The following GPR179 variants were observed in gnomAD, a reference collection of about 807,000 sequenced individuals.
GPR179 encodes the protein probable G protein-coupled receptor 179.
In GPR179, 52 loss-of-function variants were observed where a neutral mutation model predicts 70.8. The ratio of observed to expected loss-of-function variants is 0.73; its 90% CI spans 0.59 to 0.93. The LOEUF is 0.93. Among genes scored for constraint, GPR179 ranks in the 40% least tolerant of loss-of-function variants. The pLI is 0.00. For synonymous variants in GPR179, 1,123 were observed against 1,169.0 expected, an observed-to-expected ratio of 0.96 and a Z score of 0.80; for missense variants, 2,734 against 2,966.8, an observed-to-expected ratio of 0.92 and a Z score of 1.82.
chr17:38,340,915 T>G (rs1221730633), intron 1 of GPR179, among the ~76,000 whole-genome samples: 1 of 151,852 alleles, frequency 6.6e-6, no homozygotes, highest in Non-Finnish European at 1.5e-5. Context: ...AGAGTCCATC[T>G]CAAAAACAAA....
intron 1 of GPR179, 95 bp downstream of exon 1, chr17:38,342,901 G>A: frequency 8.1e-7 from 1 of 1,227,656 alleles, no homozygotes; most frequent in Non-Finnish European, 1.1e-6. Flanking sequence ...GCATGCACAT[G>A]TTCGTGCCAA....
chr17:38,328,363 C>T lies in GPR179; in HGVS notation c.5206G>A (p.Ala1736Thr), dbSNP rs2037311694. Residue 1736 changes from alanine (A) to threonine (T), a missense_variant, in exon 11 of 11, where the codon GCA (alanine) becomes ACA (threonine). Physicochemically the swap from Ala to Thr is moderately conservative, Grantham distance 58. Coordinates refer to ENST00000616987, the MANE Select transcript of GPR179 (RefSeq NM_001004334.4). ...GCTCTCTCCCTGGGTCCAAGATCTG[C>T]AGAAACCTTGCCTGTATCATTTGGA... The part of the protein sequence containing the change: ...KSPNDTGKVS[A>T]DLGPRERAVT... The T allele has an allele frequency of 4.3e-6, 7 of 1,613,920 alleles. No homozygotes were observed. The highest frequency in any genetic ancestry group is 2.2e-5 in the East Asian group (1 of 44,856).
In GPR179 at chr17:38,343,356, TACACTCTTGG is replaced by T. The variant is rs1393683399; in HGVS notation, c.424_433del (p.Pro142ThrfsTer5). 1 of 1,614,178 alleles carries T rather than the reference TACACTCTTGG, an allele frequency of 6.2e-7. No homozygotes were observed. Among genetic ancestry groups the T allele is most frequent in the Non-Finnish European group, 8.5e-7 (1 of 1,180,022 alleles). On this transcript the variant is annotated frameshift_variant, in exon 1 of 11. Coordinates refer to ENST00000616987, the MANE Select transcript of GPR179 (RefSeq NM_001004334.4). LOFTEE classifies it high-confidence loss of function. This position sits in a 1 kb window ranked among gnomAD's most constrained non-coding sequence, Gnocchi z 4.2. ...AGGGTTAAAGGTCAGCAAAGCCCTG[TACACTCTTGG>T]GTCCCCCTCGGCCACGCTGCGGACC...
rs2037376456 is a variant in GPR179 at position 38,333,405 on chromosome 17, G to A, written c.1891-8C>T. The A allele has an allele frequency of 2.5e-6, 4 of 1,612,696 alleles. No homozygotes were observed. Among genetic ancestry groups the A allele is most frequent in the Non-Finnish European group, 3.4e-6 (4 of 1,179,382 alleles). On this transcript the variant is annotated splice_region_variant and splice_polypyrimidine_tract_variant and intron_variant, in intron 9 of 10. Coordinates refer to ENST00000616987, the MANE Select transcript of GPR179 (RefSeq NM_001004334.4). Reference sequence around the variant, plus strand: ...AGCCCCCAGCTTCCAGAACTGGCAGGGGTGCATAAGAGTGGGAAAAAGACT... The same window carrying A: ...AGCCCCCAGCTTCCAGAACTGGCAGAGGTGCATAAGAGTGGGAAAAAGACT...
In GPR179 at chr17:38,343,918, C is replaced by A; in HGVS notation, c.-129G>T. The A allele has an allele frequency of 1.4e-6, 1 of 739,186 alleles. No individual in the cohort carries two copies. The highest frequency in any genetic ancestry group is 2.1e-6 in the Non-Finnish European group (1 of 475,166). The allele number at this position is 739,186 out of a possible 1,614,324, so 45.8% of individuals were successfully genotyped here. ...GTTCCTTCTTCCTCTCTCCGTCTCC[C>A]TCTCACGCTGGTGCCAGCTCGCCTG... On this transcript the variant is annotated 5_prime_UTR_variant, in exon 1 of 11. It adds an upstream start codon to the 5' untranslated region. Transcript: ENST00000616987. This position sits in a 1 kb window ranked among gnomAD's most constrained non-coding sequence, Gnocchi z 4.2.
Position 38,343,622 on chromosome 17 carries a change from G to A in GPR179, c.168C>T (p.Ala56=), listed in dbSNP as rs200362782. ...AGTAGAGATAAGCGAGGGCGGCCTC[G>A]GCCCCCTCTAGGGGCACCTGCATGG... ...SVPMQVPLEG[A]EAALAYLYSG... The change falls in exon 1 of 11, where the codon GCC becomes GCT. Residue 56 remains alanine (A), a synonymous_variant. Transcript: ENST00000616987. The surrounding 1 kb of genome is among the most constrained non-coding windows in gnomAD (Gnocchi z 4.2). 24 of 1,613,770 alleles carry A rather than the reference G, an allele frequency of 1.5e-5. 1 individual carries two copies. The highest frequency in any genetic ancestry group is 1.6e-4 in the Middle Eastern group (1 of 6,062).
At chr17:38,336,465 G>A (rs777543003) in intron 4 of GPR179, among the ~76,000 whole-genome samples, 2 of 152,210 alleles carry the variant, frequency 1.3e-5, no homozygotes, top group Non-Finnish European at 2.9e-5. Context: ...CATTCCTCAA[G>A]CGTTGGGTCA....
At position 38,330,963 on chromosome 17, in the gene GPR179, C is replaced by T. The variant is rs764402310; in HGVS notation, c.2606G>A (p.Arg869Gln). ...TGCCTTGGCCTTCTTCCGCTCCTCC[C>T]GCTCCTTTGCTTGCCGGTAGGTCTC... ...LEETYRQAKEREERKKAKAAM... is the reference protein window; with the variant it reads ...LEETYRQAKEQEERKKAKAAM... Residue 869 changes from arginine to glutamine, a missense_variant, in exon 11 of 11, where the codon CGG (arginine) becomes CAG (glutamine). Physicochemically the swap from Arg to Gln is conservative, Grantham distance 43 (BLOSUM62 1). Transcript: ENST00000616987. 29 of 1,611,900 alleles carry T rather than the reference C, an allele frequency of 1.8e-5. No homozygotes were observed. Among genetic ancestry groups the T allele is most frequent in the African/African-American group, 2.7e-5 (2 of 74,936 alleles).
In GPR179 at chr17:38,343,254, G is replaced by C; in HGVS notation, c.536C>G (p.Ser179Cys). ...GTTCTCCTCCTGCACCCAGTTCCCAGACAAGTCCTGCAGGATGGTTTCCTC... is the reference window on the plus strand; with the variant it reads ...GTTCTCCTCCTGCACCCAGTTCCCACACAAGTCCTGCAGGATGGTTTCCTC... ...TGEETILQDL[S>C]GNWVQEENPP... is the part of the protein sequence containing the mutation. The change falls in exon 1 of 11, where the codon TCT becomes TGT. Residue 179 changes from serine to cysteine, a missense_variant. Ser to Cys is a moderately radical substitution (Grantham distance 112). Transcript: ENST00000616987. This position sits in a 1 kb window ranked among gnomAD's most constrained non-coding sequence, Gnocchi z 4.2. 1 of 1,614,144 alleles carries C rather than the reference G, an allele frequency of 6.2e-7. No individual in the cohort carries two copies. Among genetic ancestry groups the C allele is most frequent in the Non-Finnish European group, 8.5e-7 (1 of 1,180,014 alleles).
chr17:38,328,810 G>A lies in GPR179; in HGVS notation c.4759C>T (p.Pro1587Ser), dbSNP rs753251543. 3.2e-5 allele frequency: 52 copies of A among 1,609,394 alleles called. No homozygotes were observed. In the Admixed American group the frequency reaches 8.2e-4, roughly 25 times the overall value. ...CAGGGACAGATTTCTGTTTTGGCAG[G>A]TGTTGCTTCCTGTGCCTCCGGCCTG... ...DLRPEAQEAT[P>S]AKTEICPWEV... Residue 1587 changes from proline to serine, a missense_variant, in exon 11 of 11, where the codon CCT (proline) becomes TCT (serine). Coordinates refer to ENST00000616987, the MANE Select transcript of GPR179 (RefSeq NM_001004334.4).
In GPR179 at chr17:38,328,933, A is replaced by G. The variant is rs2037320778; in HGVS notation, c.4636T>C (p.Ser1546Pro). ...GAGGAATTGTCTAGACATGGGCTGG[A>G]GTGCCCAGGGACCGTGCTCTCCCTG... is the stretch of plus-strand genomic sequence containing the variant. ...CPRESTVPGH[S>P]SPCLDNSSSK... The change falls in exon 11 of 11, where the codon TCC (serine) becomes CCC (proline). Residue 1546 changes from serine (S) to proline (P), a missense_variant. Coordinates refer to ENST00000616987, the MANE Select transcript of GPR179 (RefSeq NM_001004334.4). 3 of 1,614,138 alleles carry G rather than the reference A, an allele frequency of 1.9e-6. No individual in the cohort carries two copies. Among genetic ancestry groups the G allele is most frequent in the Middle Eastern group, 1.6e-4 (1 of 6,062 alleles).
At chr17:38,336,009 G>T in intron 5 of GPR179, 67 bp downstream of exon 5, 3 of 1,111,772 alleles carry the variant, frequency 2.7e-6, no homozygotes, top group Non-Finnish European at 4.2e-6. Flanking sequence ...TCTGGGGCTT[G>T]GAGGGTGCCA....
chr17:38,334,019 G>C lies in GPR179; in HGVS notation c.1804C>G (p.Leu602Val). 1.2e-6 allele frequency: 2 copies of C among 1,613,938 alleles called. No individual in the cohort carries two copies. Among genetic ancestry groups the C allele is most frequent in the Non-Finnish European group, 1.7e-6 (2 of 1,179,870 alleles). Residue 602 changes from leucine to valine, a missense_variant, in exon 9 of 11, where the codon CTG (leucine) becomes GTG (valine). Coordinates refer to ENST00000616987, the MANE Select transcript of GPR179 (RefSeq NM_001004334.4). This position sits in a 1 kb window ranked among gnomAD's most constrained non-coding sequence, Gnocchi z 4.7. ...AGGAGGAGGGTCCAGTCCGGGTGCA[G>C]AGAGGGAACCAGCACAAACCTGGGG... ...HTARFVLVPS[L>V]HPDWTLLLFF...
Position 38,331,003 on chromosome 17 carries a change from G to A in GPR179, c.2566C>T (p.Gln856Ter), listed in dbSNP as rs2037352299. 6.2e-7 allele frequency: 1 copy of A among 1,611,562 alleles called. No homozygotes were observed. Among genetic ancestry groups the A allele is most frequent in the Non-Finnish European group, 8.5e-7 (1 of 1,179,914 alleles). ...SREKALLMASQAYLEETYRQA... is the reference protein window; with the variant it reads ...SREKALLMAS ...CGGTAGGTCTCCTCCAGGTAGGCCT[G>A]GCTGGCCATGAGCAAGGCCTTTTCC... The change falls in exon 11 of 11, where the codon CAG (glutamine) becomes TAG (stop). Residue 856 changes from glutamine to a stop codon, truncating the protein, a stop_gained. Transcript: ENST00000616987. LOFTEE classifies it low-confidence loss of function (END_TRUNC).
rs1246888535 is a variant in GPR179 at position 38,329,177 on chromosome 17, C to T, written c.4392G>A (p.Leu1464=). ...SLGSGIAEVC[L]WEAGDAPAIQ... is the part of the protein sequence containing the mutation. ...TAGCAGGAGCATCTCCTGCCTCCCA[C>T]AGACACACTTCAGCAATGCCACTGC... Residue 1464 remains leucine (L), a synonymous_variant, in exon 11 of 11, where the codon CTG becomes CTA. Transcript: ENST00000616987. The T allele has an allele frequency of 5.6e-6, 9 of 1,613,904 alleles. No individual in the cohort carries two copies. The highest frequency in any genetic ancestry group is 3.3e-5 in the South Asian group (3 of 91,086).
Position 38,330,921 on chromosome 17 carries a change from A to G in GPR179, c.2648T>C (p.Val883Ala). The G allele has an allele frequency of 6.2e-7, 1 of 1,608,062 alleles. No homozygotes were observed. The highest frequency in any genetic ancestry group is 8.5e-7 in the Non-Finnish European group (1 of 1,177,826). ...CAGCCTCCTGGCTGATGGCCTCCGC[A>G]CCAGGCTGGCCATGGCTGCCTTGGC... ...KKAKAAMASLVRRPSARRLER... is the reference protein window; with the variant it reads ...KKAKAAMASLARRPSARRLER... The change falls in exon 11 of 11, where the codon GTG becomes GCG. Residue 883 changes from valine (V) to alanine (A), a missense_variant. By Grantham distance (64) the Val-to-Ala change is moderately conservative. Coordinates refer to ENST00000616987, the MANE Select transcript of GPR179 (RefSeq NM_001004334.4).
Position 38,328,275 on chromosome 17 carries a change from C to G in GPR179, c.5294G>C (p.Gly1765Ala). 6.2e-7 allele frequency: 1 copy of G among 1,613,862 alleles called. No individual in the cohort carries two copies. Among genetic ancestry groups the G allele is most frequent in the African/African-American group, 1.3e-5 (1 of 75,008 alleles). Residue 1765 changes from glycine (G) to alanine (A), a missense_variant, in exon 11 of 11, where the codon GGG becomes GCG. Transcript: ENST00000616987. ...TPEWEVACPWGSVGPGACSQH... is the reference protein window; with the variant it reads ...TPEWEVACPWASVGPGACSQH... The stretch of plus-strand genomic sequence containing the variant: ...AGAACAGGCCCCTGGACCCACACTC[C>G]CCCAGGGACAAGCCACCTCCCACTC...
At chr17:38,332,903 A>T (rs779591696) in intron 10 of GPR179, among the ~76,000 whole-genome samples, 10 of 152,238 alleles carry the variant, frequency 6.6e-5, no homozygotes, top group African/African-American at 1.2e-4. Flanking sequence ...CACTGTGCCC[A>T]GCCAGCTGAG....
rs1334584911 is a variant in GPR179 at position 38,331,255 on chromosome 17, G to A, written c.2314C>T (p.Arg772Cys). Residue 772 changes from arginine (R) to cysteine (C), a missense_variant, in exon 11 of 11, where the codon CGC (arginine) becomes TGC (cysteine). Transcript: ENST00000616987. ...PEGTPALHKS[R>C]STYDQRREQD... ...TCCCTGCGCTGGTCATAGGTGCTGC[G>A]GGACTTGTGCAGAGCTGGTGTCCCC... is the stretch of plus-strand genomic sequence containing the variant. 15 of 1,588,744 alleles carry A rather than the reference G, an allele frequency of 9.4e-6. No individual in the cohort carries two copies. Among genetic ancestry groups the A allele is most frequent in the East Asian group, 2.3e-5 (1 of 43,922 alleles).
Sources: allele counts gnomAD v4.1 joint callset (sites outside exome capture counted in the v4.1 genomes callset), GRCh38; gene constraint gnomAD v4.1.1; non-coding constraint Gnocchi (gnomAD v3.1); transcripts MANE v1.5; gene names NCBI Gene and HGNC (gene_info 2026-07-23, HGNC 2026-07-21).